Variants in CLIC5 observed in about 807,000 individuals in gnomAD.
The protein encoded by CLIC5 is chloride intracellular channel protein 5.
CLIC5 carries 20 observed loss-of-function variants against 24.7 expected under a neutral mutation model. That is an observed-to-expected ratio of 0.81 (90% CI 0.57 to 1.18). CLIC5 has a LOEUF of 1.18. Ranked by LOEUF, CLIC5 falls within the 50% of genes most tolerant of loss-of-function variation. CLIC5 has a pLI of 0.00. For missense variants in CLIC5, 341 were observed against 326.1 expected, an observed-to-expected ratio of 1.05 and a Z score of -0.35; for synonymous variants, 159 against 135.6, an observed-to-expected ratio of 1.17 and a Z score of -1.20.
intron 4 of CLIC5, among the ~76,000 whole-genome samples, chr6:45,938,073 C>G (rs1764002662): frequency 6.6e-6 from 1 of 152,104 alleles, no homozygotes; most frequent in South Asian, 2.1e-4. Flanking sequence ...AAGAGAAACC[C>G]TCTAAAGAAA....
chr6:45,992,560 C>T (rs1363894585), intron 1 of CLIC5, among the ~76,000 whole-genome samples: 3 of 152,140 alleles, frequency 2.0e-5, no homozygotes, highest in Non-Finnish European at 2.9e-5. Context: ...AACTACATAG[C>T]GTGTGTTTAT....
At chr6:45,962,506 C>A (rs1259309419) in intron 1 of CLIC5, among the ~76,000 whole-genome samples, 3 of 145,262 alleles carry the variant, frequency 2.1e-5, no homozygotes, top group Non-Finnish European at 4.5e-5. Flanking sequence ...AAAAAAGCAC[C>A]TTCACAGAAG....
At chr6:45,890,380 C>T (rs1424433002) in intron 6 of CLIC5, among the ~76,000 whole-genome samples, 1 of 152,006 alleles carries the variant, frequency 6.6e-6, no homozygotes, top group Non-Finnish European at 1.5e-5. Flanking sequence ...CACATCAGAC[C>T]TATTAGATTG....
chr6:46,050,910 G>A (rs1768085374), intron 1 of CLIC5, among the ~76,000 whole-genome samples: 1 of 151,364 alleles, frequency 6.6e-6, no homozygotes, highest in African/African-American at 2.4e-5. Flanking sequence ...GAGGTGAAAG[G>A]ACAGAATTTC....
the CLIC5 span, among the ~76,000 whole-genome samples, chr6:46,091,659 G>A: frequency 6.6e-6 from 1 of 152,170 alleles, no homozygotes; most frequent in Non-Finnish European, 1.5e-5. Flanking sequence ...GATTGCTTGA[G>A]CCCAGGAGGT....
intron 1 of CLIC5, among the ~76,000 whole-genome samples, chr6:46,077,666 T>A (rs1160858818): frequency 6.6e-6 from 1 of 152,202 alleles, no homozygotes; most frequent in Admixed American, 6.5e-5. Flanking sequence ...TTACTGAATA[T>A]CCTTAAAAAG....
intron 3 of CLIC5, among the ~76,000 whole-genome samples, chr6:45,942,306 C>T (rs370734596): frequency 4.0e-5 from 6 of 151,854 alleles, no homozygotes; most frequent in African/African-American, 1.4e-4. Flanking sequence ...TCCAGCCCCC[C>T]TCTCTCTCTC....
At chr6:46,026,100 G>C in intron 1 of CLIC5, among the ~76,000 whole-genome samples, 1 of 152,154 alleles carries the variant, frequency 6.6e-6, no homozygotes, top group East Asian at 1.9e-4. Context: ...TATGGCATGA[G>C]CTCTTTGAGC....
chr6:45,902,761 T>G lies in CLIC5; in HGVS notation c.*327A>C. 3.3e-6 allele frequency: 1 copy of G among 301,446 alleles called. No homozygotes were observed. Among genetic ancestry groups the G allele is most frequent in the Non-Finnish European group, 6.2e-6 (1 of 161,830 alleles). The allele number at this position is 301,446 out of a possible 1,614,324, so 18.7% of individuals were successfully genotyped here. ...GTTTCTAAAGCATCTGAGAAGGTAT[T>G]TTGATATTGGCAGAAGAAGCTAGTG... On this transcript the variant is annotated 3_prime_UTR_variant, in exon 6 of 6. Coordinates refer to ENST00000339561, the MANE Select transcript of CLIC5 (RefSeq NM_016929.5).
the CLIC5 span, among the ~76,000 whole-genome samples, chr6:46,108,401 T>TGTGTGTGTGTGTGTGTGA: frequency 4.2e-5 from 6 of 141,672 alleles, no homozygotes; most frequent in East Asian, 2.1e-4. Flanking sequence ...TGTGTGTGTG[T>TGTGTGTGTGTGTGTGTGA]GAGAGAGAGA....
intron 1 of CLIC5, among the ~76,000 whole-genome samples, chr6:46,006,900 C>T (rs926181716): frequency 6.6e-6 from 1 of 151,916 alleles, no homozygotes; most frequent in Admixed American, 6.6e-5. Flanking sequence ...TGGTCTCGAT[C>T]CCCTGACATG....
At chr6:45,971,964 C>T (rs1384382714) in intron 1 of CLIC5, among the ~76,000 whole-genome samples, 1 of 152,092 alleles carries the variant, frequency 6.6e-6, no homozygotes, top group Non-Finnish European at 1.5e-5. Flanking sequence ...AAAACAGATC[C>T]TGTTTTACTT....
the CLIC5 span, among the ~76,000 whole-genome samples, chr6:46,123,749 A>G: frequency 5.9e-5 from 9 of 152,190 alleles, no homozygotes; most frequent in Admixed American, 2.0e-4. Context: ...AGGATACAAA[A>G]TCAATGTGCA....
chr6:46,073,032 A>G (rs1324929318), intron 1 of CLIC5, among the ~76,000 whole-genome samples: 1 of 152,208 alleles, frequency 6.6e-6, no homozygotes, highest in African/African-American at 2.4e-5. Flanking sequence ...AGTGATTTGC[A>G]GGCAGCCTTA....
intron 1 of CLIC5, among the ~76,000 whole-genome samples, chr6:45,983,578 G>A (rs1765634909): frequency 6.6e-6 from 1 of 152,194 alleles, no homozygotes; most frequent in Admixed American, 6.5e-5. Context: ...TCTCTGAGAA[G>A]ACACATAGAA....
rs79769000 is a variant in CLIC5, at chr6:45,934,796, T to C, written c.406+6751A>G. Among the ~76,000 whole-genome samples, 13 of 152,348 alleles carry C rather than the reference T, an allele frequency of 8.5e-5. No individual in the cohort carries two copies. In the East Asian group the frequency reaches 2.5e-3, roughly 29 times the overall value. On this transcript the variant is annotated intron_variant, in intron 4 of 5. Transcript: ENST00000339561. ...ACACTGGCACCAAAAACAAGGATGG[T>C]AATTCTTGGTAGGACATTAACTGTA...
upstream of CLIC5, among the ~76,000 whole-genome samples, chr6:46,084,298 G>A (rs1762985271): frequency 5.3e-5 from 8 of 152,078 alleles, no homozygotes; most frequent in Admixed American, 5.2e-4. Flanking sequence ...ATTGTTATGT[G>A]TGAATTTGAT....
intron 1 of CLIC5, among the ~76,000 whole-genome samples, chr6:46,051,679 C>T (rs1768105724): frequency 6.6e-6 from 1 of 152,156 alleles, no homozygotes; most frequent in Non-Finnish European, 1.5e-5. Context: ...AACTGAGTTT[C>T]ACAATAATAA....
chr6:45,913,956 C>T, intron 5 of CLIC5: 1 of 532,986 alleles, frequency 1.9e-6, no homozygotes, highest in Non-Finnish European at 2.9e-6. Context: ...CATATTAAGC[C>T]CCCACAATAT....
Sources: allele counts gnomAD v4.1 joint callset (sites outside exome capture counted in the v4.1 genomes callset), GRCh38; gene constraint gnomAD v4.1.1; transcripts MANE v1.5; gene names NCBI Gene and HGNC (gene_info 2026-07-23, HGNC 2026-07-21).